FAM162A: variants seen among roughly 807,000 people sequenced by gnomAD.
FAM162A encodes the protein family with sequence similarity 162 member A.
In FAM162A, 23 loss-of-function variants were observed where a neutral mutation model predicts 21.8. The ratio of observed to expected loss-of-function variants is 1.05; its 90% CI spans 0.76 to 1.49. FAM162A has a LOEUF of 1.49. Among genes scored for constraint, FAM162A ranks in the 40% most tolerant of loss-of-function variants. FAM162A has a pLI of 0.00. For synonymous variants in FAM162A, 53 were observed against 61.3 expected (o/e 0.86, Z 0.64); for missense variants, 165 against 186.4 (o/e 0.89, Z 0.67).
At chr3:122,398,804 TTAG>T (rs1303504190) in intron 1 of FAM162A, among the ~76,000 whole-genome samples, 1 of 152,218 alleles carries the variant, frequency 6.6e-6, no homozygotes. Context: ...AAAAATTATA[TTAG>T]TATTTCAGAT....
chr3:122,407,661 G>A (rs2075683250), intron 4 of FAM162A: 1 of 470,170 alleles, frequency 2.1e-6, no homozygotes, highest in Non-Finnish European at 3.8e-6. Context: ...GATGACAGGT[G>A]TCATAATGTA....
At chr3:122,402,715 A>G in intron 1 of FAM162A, 45 bp from the exon 2 acceptor site, 2 of 1,312,646 alleles carry the variant, frequency 1.5e-6, no homozygotes, top group Middle Eastern at 2.3e-4. Flanking sequence ...AAAACATCAC[A>G]TTTTCTTTCT....
At chr3:122,394,885 C>T (rs1341281248) in intron 1 of FAM162A, among the ~76,000 whole-genome samples, 1 of 152,102 alleles carries the variant, frequency 6.6e-6, no homozygotes, top group African/African-American at 2.4e-5. Flanking sequence ...CAGAAATCCT[C>T]AAGAACTGCT....
At chr3:122,409,498 C>T (rs1006988868) in intron 4 of FAM162A, among the ~76,000 whole-genome samples, 25 of 151,846 alleles carry the variant, frequency 1.6e-4, no homozygotes, top group Admixed American at 7.2e-4. Flanking sequence ...AAGAAAGGGG[C>T]CAGAAGGGAA....
chr3:122,407,403 T>C lies in FAM162A; in HGVS notation c.372+14T>C. Reference sequence around the variant, plus strand: ...GAGGGCAAGAAGGTGAGAAGGGGTTTCTTCTCTATCCAGTATGTATGTTCT... The same window carrying C: ...GAGGGCAAGAAGGTGAGAAGGGGTTCCTTCTCTATCCAGTATGTATGTTCT... On this transcript the variant is annotated intron_variant, in intron 4 of 4. Coordinates refer to ENST00000477892, the MANE Select transcript of FAM162A (RefSeq NM_014367.4). The C allele has an allele frequency of 6.4e-7, 1 of 1,573,358 alleles. No individual in the cohort carries two copies. The highest frequency in any genetic ancestry group is 8.7e-7 in the Non-Finnish European group (1 of 1,142,874).
At chr3:122,393,134 A>G (rs1196876117) in intron 1 of FAM162A, among the ~76,000 whole-genome samples, 1 of 152,244 alleles carries the variant, frequency 6.6e-6, no homozygotes, top group Non-Finnish European at 1.5e-5. Flanking sequence ...TGGCATTTAT[A>G]GCCCTAGAAA....
chr3:122,405,873 C>T (rs1196083294), intron 3 of FAM162A, among the ~76,000 whole-genome samples: 1 of 152,150 alleles, frequency 6.6e-6, no homozygotes, highest in Non-Finnish European at 1.5e-5. Flanking sequence ...AGTGGAATCT[C>T]AGGTGCTCCT....
rs2075561960 is a variant in FAM162A at position 122,384,285 on chromosome 3, T to G, written c.20T>G (p.Leu7Arg). 6.3e-7 allele frequency: 1 copy of G among 1,579,588 alleles called. No individual in the cohort carries two copies. Among genetic ancestry groups the G allele is most frequent in the African/African-American group, 1.3e-5 (1 of 74,286 alleles). ...GTGGCCATGGGGAGCCTCAGCGGTC[T>G]GCGCCTGGCAGCAGGTGAGACGCCG... MGSLSG[L>R]RLAAGSCFRL... Residue 7 changes from leucine (L) to arginine (R), a missense_variant, in exon 1 of 5, where the codon CTG (leucine) becomes CGG (arginine). Leu to Arg is a moderately radical substitution (Grantham distance 102). Coordinates refer to ENST00000477892, the MANE Select transcript of FAM162A (RefSeq NM_014367.4).
chr3:122,384,495 C>G (rs1251214601), intron 1 of FAM162A, among the ~76,000 whole-genome samples, 196 bp downstream of exon 1: 5 of 152,104 alleles, frequency 3.3e-5, no homozygotes, highest in Admixed American at 3.3e-4. Flanking sequence ...TGGAGACTGC[C>G]CGTGAATTAC....
At chr3:122,385,143 T>C (rs72956528) in intron 1 of FAM162A, among the ~76,000 whole-genome samples, 3,673 of 152,228 alleles carry the variant, frequency 0.024, 141 homozygotes, top group African/African-American at 0.085. Context: ...CAAACTTGGC[T>C]ATTCAAATAA....
intron 3 of FAM162A, among the ~76,000 whole-genome samples, chr3:122,406,813 A>G (rs2075677998): frequency 6.6e-6 from 1 of 152,244 alleles, no homozygotes; most frequent in Non-Finnish European, 1.5e-5. Context: ...GTGTTGAAAC[A>G]TATGAAGCTT....
At chr3:122,391,349 C>T (rs1468594725) in intron 1 of FAM162A, among the ~76,000 whole-genome samples, 1 of 152,172 alleles carries the variant, frequency 6.6e-6, no homozygotes, top group African/African-American at 2.4e-5. Flanking sequence ...CATGCCACTG[C>T]GCCCAGCTAG....
At chr3:122,405,776 TC>T (rs1220437817) in intron 3 of FAM162A, among the ~76,000 whole-genome samples, 1 of 152,164 alleles carries the variant, frequency 6.6e-6, no homozygotes. Flanking sequence ...TTCCTATTAC[TC>T]CCTATGGAAT....
In FAM162A at chr3:122,384,247, G is replaced by C; in HGVS notation, c.-19G>C. On this transcript the variant is annotated 5_prime_UTR_variant, in exon 1 of 5. Transcript: ENST00000477892. Reference sequence around the variant, plus strand: ...TCCCCGGCGAAGTTCTGCGCTGGTCGGCGGAGTAGCAAGTGGCCATGGGGA... The same window carrying C: ...TCCCCGGCGAAGTTCTGCGCTGGTCCGCGGAGTAGCAAGTGGCCATGGGGA... 1 of 1,567,922 alleles carries C rather than the reference G, an allele frequency of 6.4e-7. No homozygotes were observed. Among genetic ancestry groups the C allele is most frequent in the Non-Finnish European group, 8.6e-7 (1 of 1,156,842 alleles).
chr3:122,409,884 G>T lies in FAM162A; in HGVS notation c.*53G>T, dbSNP rs142985371. The T allele has an allele frequency of 3.4e-6, 5 of 1,481,862 alleles. No individual in the cohort carries two copies. The African/African-American group carries it at 4.2e-5, about 12-fold the overall frequency. 91.8% of individuals were successfully genotyped at this position (1,481,862 alleles called of 1,614,324 possible). ...GAAAATCCAGGAATTATGTTATAAC[G>T]TGCCTGTATTAAAAAGGATGTGGTA... On this transcript the variant is annotated 3_prime_UTR_variant, in exon 5 of 5. Transcript: ENST00000477892.
At chr3:122,397,779 A>G (rs1377627071) in intron 1 of FAM162A, among the ~76,000 whole-genome samples, 1 of 152,220 alleles carries the variant, frequency 6.6e-6, no homozygotes, top group African/African-American at 2.4e-5. Context: ...AATGTCTTAA[A>G]TGTATTTATT....
Position 122,402,860 on chromosome 3 carries a change from G to C in FAM162A, c.135G>C (p.Gln45His). 6.2e-7 allele frequency: 1 copy of C among 1,605,846 alleles called. No homozygotes were observed. Among genetic ancestry groups the C allele is most frequent in the Non-Finnish European group, 8.5e-7 (1 of 1,176,798 alleles). ...TAAATGGATTTTGCACAAAACCACA[G>C]GAAAGTCCCGGAGCTCCATCCCGTA... ...KRINGFCTKPQESPGAPSRTY... is the reference protein window; with the variant it reads ...KRINGFCTKPHESPGAPSRTY... Residue 45 changes from glutamine to histidine, a missense_variant, in exon 2 of 5, where the codon CAG (glutamine) becomes CAC (histidine). By Grantham distance (24) the Gln-to-His change is conservative. Transcript: ENST00000477892.
rs72956567 is a variant in FAM162A at position 122,404,411 on chromosome 3, C to G, written c.263+48C>G. On this transcript the variant is annotated intron_variant, in intron 3 of 4. Coordinates refer to ENST00000477892, the MANE Select transcript of FAM162A (RefSeq NM_014367.4). Reference sequence around the variant, plus strand: ...CAAGCAGCTTTCATTTCTCACTGATCTAAGGGAAAAGCAATGCCTCTGAGT... The same window carrying G: ...CAAGCAGCTTTCATTTCTCACTGATGTAAGGGAAAAGCAATGCCTCTGAGT... 6.1e-5 allele frequency: 64 copies of G among 1,042,566 alleles called. No individual in the cohort carries two copies. In the African/African-American group the frequency reaches 8.6e-4, roughly 14 times the overall value. The allele number at this position is 1,042,566 out of a possible 1,614,324, so 64.6% of individuals were successfully genotyped here. A position where few individuals can be genotyped will look rare whatever the true frequency, so the allele number is the denominator to read the frequency against.
At chr3:122,388,298 A>G (rs2075583687) in intron 1 of FAM162A, among the ~76,000 whole-genome samples, 1 of 152,222 alleles carries the variant, frequency 6.6e-6, no homozygotes, top group Non-Finnish European at 1.5e-5. Context: ...TGTCAGAAAT[A>G]AGAAAGTTGG....
Sources: allele counts gnomAD v4.1 joint callset (sites outside exome capture counted in the v4.1 genomes callset), GRCh38; gene constraint gnomAD v4.1.1; transcripts MANE v1.5; gene names NCBI Gene and HGNC (gene_info 2026-07-23, HGNC 2026-07-21).